TDP1: variants seen among roughly 807,000 people sequenced by gnomAD.
TDP1 encodes tyrosyl-DNA phosphodiesterase 1.
A neutral mutation model predicts 81.5 loss-of-function variants in TDP1; 64 were observed. The observed-to-expected ratio is 0.79, with a 90% CI of 0.64 to 0.97. The LOEUF is 0.97. Ranked by LOEUF, TDP1 falls within the 50% of genes least tolerant of loss-of-function variation. The pLI is 0.00. For synonymous variants in TDP1, 256 were observed against 264.3 expected, an observed-to-expected ratio of 0.97 and a Z score of 0.30; for missense variants, 723 against 743.8, an observed-to-expected ratio of 0.97 and a Z score of 0.33.
At position 89,975,558 on chromosome 14, in the gene TDP1, T is replaced by C. The variant is rs1894189473; in HGVS notation, c.757-223T>C. ...GTAGTATATATTCTGTAGTGTATAATCATTCTGGGTAACAAAATTTGTGTT... is the reference window on the plus strand; with the variant it reads ...GTAGTATATATTCTGTAGTGTATAACCATTCTGGGTAACAAAATTTGTGTT... On this transcript the variant is annotated intron_variant, in intron 6 of 16. Coordinates refer to ENST00000335725, the MANE Select transcript of TDP1 (RefSeq NM_018319.4). 3 of 761,844 alleles carry C rather than the reference T, an allele frequency of 3.9e-6. No individual in the cohort carries two copies. In the Admixed American group the frequency reaches 1.9e-4, roughly 48 times the overall value. The allele number at this position is 761,844 out of a possible 1,614,324, so 47.2% of individuals were successfully genotyped here. A position where few individuals can be genotyped will look rare whatever the true frequency, so the allele number is the denominator to read the frequency against.
chr14:89,977,677 C>G (rs1894514840), intron 7 of TDP1, among the ~76,000 whole-genome samples: 1 of 152,220 alleles, frequency 6.6e-6, no homozygotes, highest in Non-Finnish European at 1.5e-5. Flanking sequence ...TTTATTCTTA[C>G]AGCTTTTTCT....
At chr14:89,998,372 T>TTATATATATATATA (rs58264054) in intron 14 of TDP1, among the ~76,000 whole-genome samples, 12 of 53,102 alleles carry the variant, frequency 2.3e-4, no homozygotes, top group South Asian at 6.4e-4. Context: ...TCCAAGCACA[T>TTATATATATATATA]TATATATATA....
intron 13 of TDP1, 124 bp from the exon 14 acceptor site, chr14:89,993,252 C>T: frequency 1.6e-6 from 2 of 1,285,012 alleles, no homozygotes; most frequent in Non-Finnish European, 2.1e-6. Flanking sequence ...TCACAGGTCA[C>T]AGAGTCGTGT....
chr14:90,039,260 A>G (rs1596732580), intron 16 of TDP1, among the ~76,000 whole-genome samples: 2 of 152,302 alleles, frequency 1.3e-5, no homozygotes, highest in South Asian at 4.1e-4. Flanking sequence ...ATTTCTACTA[A>G]CTTGGTAAAT....
intron 8 of TDP1, among the ~76,000 whole-genome samples, chr14:89,981,871 G>C (rs1379919555): frequency 6.6e-6 from 1 of 151,962 alleles, no homozygotes; most frequent in Non-Finnish European, 1.5e-5. Flanking sequence ...ATTTTTTGTA[G>C]AGACAAGGTT....
rs182669239 is a variant in TDP1, at chr14:90,011,817, G to C, written c.1542-7499G>C. Among the ~76,000 whole-genome samples, 321 of 152,318 alleles carry C rather than the reference G, an allele frequency of 2.1e-3. 2 individuals carry two copies. Among genetic ancestry groups the C allele is most frequent in the African/African-American group, 7.3e-3 (304 of 41,580 alleles). On this transcript the variant is annotated intron_variant, in intron 14 of 16. Transcript: ENST00000335725. ...GGAACTTATGTTTAAAAGGGAAGCA[G>C]AGCATAAAAGTTGGAAAATCTGCAA...
intron 16 of TDP1, among the ~76,000 whole-genome samples, chr14:90,034,610 A>C (rs1566930569): frequency 6.6e-6 from 1 of 152,326 alleles, no homozygotes; most frequent in East Asian, 1.9e-4. Flanking sequence ...CTCAGACAGG[A>C]TGAGATATAT....
intron 16 of TDP1, among the ~76,000 whole-genome samples, chr14:90,038,425 T>G (rs1261258701): frequency 6.6e-6 from 1 of 152,230 alleles, no homozygotes; most frequent in Non-Finnish European, 1.5e-5. Flanking sequence ...CAGAATAAAC[T>G]TCACTAAACC....
intron 9 of TDP1, chr14:89,984,897 C>T: frequency 1.0e-6 from 1 of 985,416 alleles, no homozygotes; most frequent in Non-Finnish European, 1.2e-6. Flanking sequence ...TTACCTTAGC[C>T]TCCCACTGGG....
At chr14:90,017,366 G>A (rs1018692083) in intron 14 of TDP1, among the ~76,000 whole-genome samples, 1 of 152,146 alleles carries the variant, frequency 6.6e-6, no homozygotes, top group African/African-American at 2.4e-5. Context: ...CTCAGGGAAT[G>A]TTGATTTATC....
chr14:89,991,766 A>T, intron 12 of TDP1, 151 bp from the exon 13 acceptor site: 1 of 1,212,758 alleles, frequency 8.2e-7, no homozygotes, highest in Non-Finnish European at 1.1e-6. Context: ...AACTATAGAC[A>T]TTTTCTTTCA....
chr14:89,964,604 A>G (rs1892714735), intron 3 of TDP1, among the ~76,000 whole-genome samples: 1 of 152,098 alleles, frequency 6.6e-6, no homozygotes, highest in Non-Finnish European at 1.5e-5. Context: ...ATATAATTGT[A>G]TATTGTGTGT....
intron 8 of TDP1, 23 bp from the exon 9 acceptor site, chr14:89,984,493 A>G: frequency 1.9e-6 from 3 of 1,613,848 alleles, no homozygotes; most frequent in Non-Finnish European, 2.5e-6. Context: ...CCTGACTGTT[A>G]AAGGTTATTT....
chr14:90,039,852 G>T (rs1052677092), intron 16 of TDP1, among the ~76,000 whole-genome samples: 1 of 152,034 alleles, frequency 6.6e-6, no homozygotes, highest in East Asian at 1.9e-4. Context: ...CCTCACAACC[G>T]CATGATGCAA....
At chr14:90,026,436 C>T (rs917162742) in intron 15 of TDP1, among the ~76,000 whole-genome samples, 2 of 152,254 alleles carry the variant, frequency 1.3e-5, no homozygotes, top group Non-Finnish European at 2.9e-5. Context: ...CATCCTATAC[C>T]ATCTGCCCTG....
chr14:90,025,709 G>A lies in TDP1; in HGVS notation c.1644+6291G>A, dbSNP rs938099541. Among the ~76,000 whole-genome samples, 46 of 152,112 alleles carry A rather than the reference G, an allele frequency of 3.0e-4. 1 individual carries two copies. Among genetic ancestry groups the A allele is most frequent in the African/African-American group, 4.1e-4 (17 of 41,412 alleles). Reference sequence around the variant, plus strand: ...GTATTTAACTTTTAAATTAGACTACGGTTCAGAAAGTCTCAATATAGGAAA... The same window carrying A: ...GTATTTAACTTTTAAATTAGACTACAGTTCAGAAAGTCTCAATATAGGAAA... On this transcript the variant is annotated intron_variant, in intron 15 of 16. Coordinates refer to ENST00000335725, the MANE Select transcript of TDP1 (RefSeq NM_018319.4).
intron 15 of TDP1, among the ~76,000 whole-genome samples, chr14:90,030,533 A>G (rs1432131944): frequency 6.6e-6 from 1 of 152,120 alleles, no homozygotes; most frequent in Non-Finnish European, 1.5e-5. Context: ...ACTGATCACC[A>G]TCTTCATCAG....
intron 10 of TDP1, among the ~76,000 whole-genome samples, chr14:89,987,275 C>G (rs1217091615): frequency 6.6e-6 from 1 of 152,214 alleles, no homozygotes; most frequent in Non-Finnish European, 1.5e-5. Flanking sequence ...TTTCCTCATA[C>G]ACTAAGCAGG....
chr14:89,973,159 C>T (rs1893855092), intron 6 of TDP1, among the ~76,000 whole-genome samples: 1 of 152,184 alleles, frequency 6.6e-6, no homozygotes, highest in African/African-American at 2.4e-5. Flanking sequence ...AACATGGGCT[C>T]ATCTCATGCC....
Sources: gnomAD v4.1 joint callset for allele counts (sites outside exome capture counted in the v4.1 genomes callset) on GRCh38, gnomAD v4.1.1 for gene constraint, MANE v1.5 for transcripts, NCBI Gene and HGNC (gene_info 2026-07-23, HGNC 2026-07-21) for gene names.